Variants in CDK14 observed in about 807,000 individuals in gnomAD.
CDK14 encodes cyclin dependent kinase 14, also known as cyclin-dependent kinase 14.
In CDK14, 34 loss-of-function variants were observed where a neutral mutation model predicts 60.7. The observed-to-expected ratio is 0.56, with a 90% confidence interval of 0.43 to 0.75. CDK14 has a LOEUF of 0.75. Ranked by LOEUF, CDK14 falls within the 30% of genes least tolerant of loss-of-function variation. The pLI is 0.00. For missense variants in CDK14, 482 were observed against 564.1 expected (o/e 0.85, Z 1.47); for synonymous variants, 197 against 203.7 (o/e 0.97, Z 0.28).
chr7:90,810,933 A>G (rs1220965302), intron 5 of CDK14, among the ~76,000 whole-genome samples: 1 of 152,128 alleles, frequency 6.6e-6, no homozygotes, highest in Non-Finnish European at 1.5e-5. Flanking sequence ...CTCTTCAAGG[A>G]GAACTACAAA....
intron 11 of CDK14, among the ~76,000 whole-genome samples, chr7:91,070,253 G>A (rs1182500018): frequency 2.2e-5 from 2 of 91,330 alleles, no homozygotes; most frequent in East Asian, 6.1e-4. Flanking sequence ...TGTTGTTGCT[G>A]CTGCTGCTGC....
chr7:90,795,752 G>A (rs1269799931), intron 5 of CDK14, among the ~76,000 whole-genome samples: 2 of 152,120 alleles, frequency 1.3e-5, no homozygotes, highest in Non-Finnish European at 2.9e-5. Context: ...AAAGGAACCA[G>A]AAGAAAAATG....
intron 14 of CDK14, among the ~76,000 whole-genome samples, chr7:91,134,720 A>G (rs980053489): frequency 1.3e-5 from 2 of 152,024 alleles, no homozygotes; most frequent in South Asian, 2.1e-4. Flanking sequence ...CTAAAAATAT[A>G]TACATTAGCT....
At chr7:91,128,056 A>T (rs1006728963) in intron 14 of CDK14, among the ~76,000 whole-genome samples, 1 of 152,080 alleles carries the variant, frequency 6.6e-6, no homozygotes, top group Non-Finnish European at 1.5e-5. Flanking sequence ...TTAAGTCACA[A>T]ATGCCACAGC....
At chr7:90,655,863 A>G (rs1800741403) in intron 2 of CDK14, among the ~76,000 whole-genome samples, 1 of 152,102 alleles carries the variant, frequency 6.6e-6, no homozygotes, top group South Asian at 2.1e-4. Context: ...AACACCCTTC[A>G]TTTCTAGTGG....
intron 2 of CDK14, among the ~76,000 whole-genome samples, chr7:90,699,451 C>G (rs1437618869): frequency 6.6e-6 from 1 of 152,206 alleles, no homozygotes; most frequent in African/African-American, 2.4e-5. Context: ...AGGAACTATT[C>G]TAAGTATTCC....
chr7:90,957,324 G>T (rs1455592822), intron 9 of CDK14, among the ~76,000 whole-genome samples: 1 of 152,128 alleles, frequency 6.6e-6, no homozygotes, highest in Non-Finnish European at 1.5e-5. Context: ...GTGTGAGATG[G>T]TATCTCATTG....
intron 4 of CDK14, among the ~76,000 whole-genome samples, chr7:90,767,088 A>G (rs1804596490): frequency 6.6e-6 from 1 of 152,180 alleles, no homozygotes; most frequent in African/African-American, 2.4e-5. Context: ...ATGCCATGCC[A>G]TACTGACCCA....
chr7:90,990,503 A>G (rs889977861), intron 10 of CDK14, among the ~76,000 whole-genome samples: 4 of 152,208 alleles, frequency 2.6e-5, no homozygotes, highest in African/African-American at 4.8e-5. Context: ...TTCAAGCTTC[A>G]TCTATAGGCA....
chr7:90,705,236 A>G (rs898854538), intron 2 of CDK14, among the ~76,000 whole-genome samples: 4 of 152,008 alleles, frequency 2.6e-5, no homozygotes, highest in African/African-American at 9.7e-5. Context: ...ATTCGTATAT[A>G]TAAAGTACTC....
intron 14 of CDK14, among the ~76,000 whole-genome samples, chr7:91,206,736 A>T (rs1802911413): frequency 6.6e-6 from 1 of 152,186 alleles, no homozygotes; most frequent in South Asian, 2.1e-4. Flanking sequence ...GAATTTTTTT[A>T]AAAGCGTGTT....
At chr7:90,847,287 G>C (rs916680632) in intron 5 of CDK14, among the ~76,000 whole-genome samples, 1 of 151,742 alleles carries the variant, frequency 6.6e-6, no homozygotes, top group Non-Finnish European at 1.5e-5. Flanking sequence ...AGAAATAGGT[G>C]GTCAATACAT....
rs753500141 is a variant in CDK14, at chr7:91,038,726, G to T, written c.1042-7171G>T. Among the ~76,000 whole-genome samples the T allele has an allele frequency of 3.4e-4, 52 of 152,230 alleles. 1 individual carries two copies. Among genetic ancestry groups the T allele is most frequent in the Non-Finnish European group, 2.2e-4 (15 of 68,050 alleles). On this transcript the variant is annotated intron_variant, in intron 10 of 14. Coordinates refer to ENST00000380050, the MANE Select transcript of CDK14 (RefSeq NM_001287135.2). ...TCCCACGTGTCATGGGAGGAACCCA[G>T]TGGGAGGTGATGGAATTATGGGGGT...
intron 14 of CDK14, among the ~76,000 whole-genome samples, chr7:91,179,582 C>T (rs932660054): frequency 1.4e-4 from 21 of 151,588 alleles, no homozygotes; most frequent in African/African-American, 4.8e-4. Context: ...GTGGGCGGAT[C>T]ACGAGGTCAA....
intron 4 of CDK14, 31 bp downstream of exon 4, chr7:90,747,806 T>C: frequency 1.7e-6 from 2 of 1,184,898 alleles, no homozygotes; most frequent in Non-Finnish European, 2.4e-6. Context: ...ATATTTCACA[T>C]GTACAGTGTA....
chr7:90,944,547 A>G (rs1465412664), intron 8 of CDK14, among the ~76,000 whole-genome samples: 4 of 152,162 alleles, frequency 2.6e-5, no homozygotes, highest in Non-Finnish European at 5.9e-5. Flanking sequence ...AACCTGTGCA[A>G]CATGGCAAGA....
intron 2 of CDK14, among the ~76,000 whole-genome samples, chr7:90,649,264 C>CTTTGTTTGTTTG (rs1563029666): frequency 2.1e-5 from 1 of 47,628 alleles, no homozygotes; most frequent in South Asian, 8.0e-4. Flanking sequence ...TTCTTTCTTT[C>CTTTGTTTGTTTG]TTTCTTTCTT....
chr7:91,122,530 G>A (rs936589937), intron 14 of CDK14, among the ~76,000 whole-genome samples: 6 of 152,034 alleles, frequency 3.9e-5, no homozygotes, highest in South Asian at 2.1e-4. Flanking sequence ...CATCTCAACC[G>A]CCATCTCAAC....
intron 2 of CDK14, among the ~76,000 whole-genome samples, chr7:90,657,926 A>G (rs982276053): frequency 1.3e-5 from 2 of 152,212 alleles, no homozygotes; most frequent in Non-Finnish European, 1.5e-5. Context: ...GAGCTAGTCC[A>G]CATCTTTGCT....
Sources: gnomAD v4.1 joint callset for allele counts (sites outside exome capture counted in the v4.1 genomes callset) on GRCh38, gnomAD v4.1.1 for gene constraint, MANE v1.5 for transcripts, NCBI Gene and HGNC (gene_info 2026-07-23, HGNC 2026-07-21) for gene names.